The following MME variants were observed in gnomAD, a reference collection of about 807,000 sequenced individuals.
MME encodes membrane metalloendopeptidase.
A neutral mutation model predicts 113.2 loss-of-function variants in MME; 98 were observed. The ratio of observed to expected loss-of-function variants is 0.87; its 90% CI spans 0.74 to 1.02. MME has a LOEUF of 1.02. Ranked by LOEUF, MME falls within the 50% of genes least tolerant of loss-of-function variation. The pLI, the probability that MME is intolerant of heterozygous loss-of-function variation, is 0.00. For synonymous variants in MME, 292 were observed against 300.6 expected (o/e 0.97, Z 0.30); for missense variants, 836 against 896.0 (o/e 0.93, Z 0.86).
At chr3:155,124,647 C>T (rs1440657399) in intron 8 of MME, among the ~76,000 whole-genome samples, 26 of 151,614 alleles carry the variant, frequency 1.7e-4, no homozygotes, top group Non-Finnish European at 3.2e-4. Flanking sequence ...AGACAGGACC[C>T]TCAGCTGCAG....
intron 12 of MME, 146 bp downstream of exon 12, chr3:155,142,476 A>T: frequency 1.5e-6 from 1 of 664,820 alleles, no homozygotes; most frequent in Non-Finnish European, 2.6e-6. Context: ...TATTTAGGAC[A>T]TGTTGCTGAG....
intron 17 of MME, among the ~76,000 whole-genome samples, chr3:155,166,131 C>T (rs1048737548): frequency 6.6e-6 from 1 of 152,036 alleles, no homozygotes; most frequent in Non-Finnish European, 1.5e-5. Context: ...TGATTATGTT[C>T]CAGGTACTAT....
intron 1 of MME, among the ~76,000 whole-genome samples, chr3:155,032,776 A>T (rs1713012089): frequency 6.6e-6 from 1 of 152,202 alleles, no homozygotes; most frequent in Admixed American, 6.5e-5. Flanking sequence ...GAGTTTATTC[A>T]AACACAAAGT....
In MME at chr3:155,180,377, A is replaced by T; in HGVS notation, c.2171A>T (p.Gln724Leu). Residue 724 changes from glutamine to leucine, a missense_variant, in exon 23 of 23, where the codon CAG becomes CTG. By Grantham distance (113) the Gln-to-Leu change is moderately radical. Coordinates refer to ENST00000360490, the MANE Select transcript of MME (RefSeq NM_007289.4). Reference sequence around the variant, plus strand: ...TTTCAAAGGATTATTGGGACTTTGCAGAACTCTGCAGAGTTTTCAGAAGCC... The same window carrying T: ...TTTCAAAGGATTATTGGGACTTTGCTGAACTCTGCAGAGTTTTCAGAAGCC... ...PGNFRIIGTL[Q>L]NSAEFSEAFH... 1 of 1,613,536 alleles carries T rather than the reference A, an allele frequency of 6.2e-7. No individual in the cohort carries two copies. The highest frequency in any genetic ancestry group is 8.5e-7 in the Non-Finnish European group (1 of 1,179,498).
intron 21 of MME, 107 bp downstream of exon 21, chr3:155,172,319 C>T: frequency 1.2e-6 from 1 of 844,808 alleles, no homozygotes; most frequent in Non-Finnish European, 2.0e-6. Context: ...GAGCATTTGA[C>T]TTGATTCACT....
intron 3 of MME, among the ~76,000 whole-genome samples, chr3:155,114,667 C>A (rs902926097): frequency 2.0e-5 from 3 of 152,058 alleles, no homozygotes; most frequent in Non-Finnish European, 2.9e-5. Context: ...TGCAGGATGG[C>A]CAACTCAAAG....
chr3:155,048,102 C>T (rs1713627810), intron 1 of MME, among the ~76,000 whole-genome samples: 1 of 152,162 alleles, frequency 6.6e-6, no homozygotes, highest in African/African-American at 2.4e-5. Flanking sequence ...CATTTTGAAA[C>T]CTCTGTTATG....
chr3:155,083,450 T>TC, intron 1 of MME: 1 of 152,520 alleles, frequency 6.6e-6, no homozygotes, highest in East Asian at 1.9e-4. Flanking sequence ...TGTTTACTTA[T>TC]CCCCCTTACT....
intron 1 of MME, among the ~76,000 whole-genome samples, chr3:155,024,897 G>A (rs960905560): frequency 6.6e-6 from 1 of 152,180 alleles, no homozygotes; most frequent in Non-Finnish European, 1.5e-5. Flanking sequence ...GAGGGGAATT[G>A]GGGTGATATC....
intron 16 of MME, among the ~76,000 whole-genome samples, chr3:155,153,288 A>C (rs1301032438): frequency 6.6e-6 from 1 of 152,096 alleles, no homozygotes; most frequent in Non-Finnish European, 1.5e-5. Flanking sequence ...TGGCCTTCTA[A>C]AGCGATTTAA....
intron 16 of MME, among the ~76,000 whole-genome samples, chr3:155,150,914 A>G (rs7629378): frequency 0.021 from 3,265 of 152,268 alleles, 121 homozygotes; most frequent in African/African-American, 0.076. Context: ...AGGATACAAC[A>G]TGATCGAAGC....
At chr3:155,087,115 G>T (rs1226943042) in intron 3 of MME, among the ~76,000 whole-genome samples, 1 of 151,774 alleles carries the variant, frequency 6.6e-6, no homozygotes, top group Non-Finnish European at 1.5e-5. Context: ...GGGATTACAG[G>T]CATGAGCCAC....
chr3:155,063,432 AT>A (rs1197056126), intron 1 of MME, among the ~76,000 whole-genome samples: 3,184 of 86,552 alleles, frequency 0.037, 76 homozygotes, highest in South Asian at 0.1. Flanking sequence ...TAATAAAAAT[AT>A]TATATATTTT....
chr3:155,144,638 T>G (rs1023958433), intron 14 of MME, among the ~76,000 whole-genome samples, 181 bp downstream of exon 14: 2 of 152,214 alleles, frequency 1.3e-5, no homozygotes, highest in African/African-American at 4.8e-5. Context: ...AATTTTAATC[T>G]TTTATCTCTG....
At chr3:155,056,084 C>T (rs1188089532) in intron 1 of MME, among the ~76,000 whole-genome samples, 3 of 151,984 alleles carry the variant, frequency 2.0e-5, no homozygotes, top group Non-Finnish European at 4.4e-5. Flanking sequence ...ATTGTTGGTT[C>T]ATAGAAAGGG....
intron 16 of MME, among the ~76,000 whole-genome samples, chr3:155,149,654 A>C (rs1162244913): frequency 6.6e-6 from 1 of 152,070 alleles, no homozygotes; most frequent in African/African-American, 2.4e-5. Flanking sequence ...CACCACCAAG[A>C]GGGAAATGTC....
At chr3:155,142,427 T>C (rs1721185168) in intron 12 of MME, 97 bp downstream of exon 12, 1 of 1,019,022 alleles carries the variant, frequency 9.8e-7, no homozygotes, top group African/African-American at 1.6e-5. Flanking sequence ...TGGTGAACTT[T>C]GCAAAGGGAC....
At chr3:155,077,403 G>C (rs181934615), upstream of MME, among the ~76,000 whole-genome samples, 11 of 152,158 alleles carry the variant, frequency 7.2e-5, no homozygotes, top group Admixed American at 6.5e-4. Context: ...AGTGATCTTG[G>C]ACCACCTCAG....
chr3:155,161,757 A>G (rs907586788), intron 17 of MME, among the ~76,000 whole-genome samples: 4 of 152,164 alleles, frequency 2.6e-5, no homozygotes, highest in African/African-American at 9.7e-5. Context: ...AATAAGTAAG[A>G]TATGTTTACT....
Sources: gnomAD v4.1 joint callset for allele counts (sites outside exome capture counted in the v4.1 genomes callset) on GRCh38, gnomAD v4.1.1 for gene constraint, MANE v1.5 for transcripts, NCBI Gene and HGNC (gene_info 2026-07-23, HGNC 2026-07-21) for gene names.